OR9Q2: variants seen among roughly 807,000 people sequenced by gnomAD.
The protein encoded by OR9Q2 is olfactory receptor family 9 subfamily Q member 2, also known as olfactory receptor 9Q2.
A neutral mutation model predicts 2.3 loss-of-function variants in OR9Q2; 2 were observed. The ratio of observed to expected loss-of-function variants is 0.85; its 90% CI spans 0.35 to 2.68. OR9Q2 has a LOEUF of 2.68. Ranked by LOEUF, OR9Q2 falls within the 30% of genes most tolerant of loss-of-function variation. OR9Q2 has a pLI of 0.10. For missense variants in OR9Q2, 404 were observed against 395.7 expected (o/e 1.02, Z -0.18); for synonymous variants, 178 against 158.6 (o/e 1.12, Z -0.92).
chr11:58,190,994 T>G lies in OR9Q2; in HGVS notation c.504T>G (p.Phe168Leu). 1 of 1,614,212 alleles carries G rather than the reference T, an allele frequency of 6.2e-7. No individual in the cohort carries two copies. The highest frequency in any genetic ancestry group is 8.5e-7 in the Non-Finnish European group (1 of 1,180,042). Reference protein sequence around the residue: ...VRTVTAFTLSFCGNNEINFIF... With the variant: ...VRTVTAFTLSLCGNNEINFIF... ...CGGTCACAGCCTTCACTCTCTCCTT[T>G]TGTGGAAACAATGAGATCAACTTCA... is the stretch of plus-strand genomic sequence containing the variant. The change falls in exon 2 of 2, where the codon TTT (phenylalanine) becomes TTG (leucine). Residue 168 changes from phenylalanine to leucine, a missense_variant. Transcript: ENST00000641291.
intron 1 of OR9Q2, 54 bp from the exon 2 acceptor site, chr11:58,190,265 C>T (rs1854745148): frequency 4.0e-6 from 2 of 505,834 alleles, no homozygotes; most frequent in Non-Finnish European, 3.5e-6. Flanking sequence ...GAATCACTTG[C>T]TCTCTGTTCT....
chr11:58,191,334 A>AC lies in OR9Q2; in HGVS notation c.848dup (p.Met284AsnfsTer8). The AC allele has an allele frequency of 6.2e-7, 1 of 1,613,976 alleles. No individual in the cohort carries two copies. The highest frequency in any genetic ancestry group is 1.1e-5 in the South Asian group (1 of 91,062). On this transcript the variant is annotated frameshift_variant, in exon 2 of 2. Coordinates refer to ENST00000641291, the MANE Select transcript of OR9Q2 (RefSeq NM_001005283.3). LOFTEE classifies it low-confidence loss of function (END_TRUNC). ...GGTGTCTGTGCTCTACACGGTGGTG[A>AC]CCCCAATGCTGAATCCCCTTATCTA...
At chr11:58,189,723 A>G (rs1352156545) in intron 1 of OR9Q2, among the ~76,000 whole-genome samples, 2 of 152,200 alleles carry the variant, frequency 1.3e-5, no homozygotes, top group African/African-American at 4.8e-5. Context: ...TACTGTGTTT[A>G]TTAGGGGCTT....
chr11:58,193,510 C>T lies in OR9Q2; in HGVS notation c.*2075C>T, dbSNP rs1367614369. ...TCTAAGACTCAGAGATATTATGTGACTTGACCAAGTTATGTAGCAAGAAAG... is the reference window on the plus strand; with the variant it reads ...TCTAAGACTCAGAGATATTATGTGATTTGACCAAGTTATGTAGCAAGAAAG... On this transcript the variant is annotated 3_prime_UTR_variant, in exon 2 of 2. Transcript: ENST00000641291. The T allele has an allele frequency of 1.3e-5, 2 of 152,166 alleles. No homozygotes were observed. Among genetic ancestry groups the T allele is most frequent in the African/African-American group, 4.8e-5 (2 of 41,444 alleles). 9.4% of individuals were successfully genotyped at this position (152,166 alleles called of 1,614,324 possible). A position where few individuals can be genotyped will look rare whatever the true frequency, so the allele number is the denominator to read the frequency against.
chr11:58,189,270 TTTA>T (rs1345283467), intron 1 of OR9Q2, among the ~76,000 whole-genome samples, 162 bp downstream of exon 1: 1 of 152,094 alleles, frequency 6.6e-6, no homozygotes, highest in African/African-American at 2.4e-5. Flanking sequence ...TATCTGCAAT[TTTA>T]TTTACGGAAA....
rs1363357203 is a variant in OR9Q2, at chr11:58,191,456, T to C, written c.*21T>C. 1 of 1,473,924 alleles carries C rather than the reference T, an allele frequency of 6.8e-7. No homozygotes were observed. The highest frequency in any genetic ancestry group is 1.4e-5 in the African/African-American group (1 of 70,922). The allele number at this position is 1,473,924 out of a possible 1,614,324, so 91.3% of individuals were successfully genotyped here. Reference sequence around the variant, plus strand: ...CCTAAATGGACCCTTGTGAAATATATCATTCCTTAGTTTCCCCATCTTTTC... The same window carrying C: ...CCTAAATGGACCCTTGTGAAATATACCATTCCTTAGTTTCCCCATCTTTTC... On this transcript the variant is annotated 3_prime_UTR_variant, in exon 2 of 2. Transcript: ENST00000641291.
Position 58,190,511 on chromosome 11 carries a change from C to G in OR9Q2, c.21C>G (p.Thr7=). The G allele has an allele frequency of 1.9e-6, 3 of 1,613,490 alleles. No homozygotes were observed. The highest frequency in any genetic ancestry group is 2.5e-6 in the Non-Finnish European group (3 of 1,179,546). The change falls in exon 2 of 2, where the codon ACC becomes ACG. Residue 7 remains threonine, a synonymous_variant. Coordinates refer to ENST00000641291, the MANE Select transcript of OR9Q2 (RefSeq NM_001005283.3). MAERNY[T]VVTEFFLTAF... Reference sequence around the variant, plus strand: ...GATGGATGGCTGAAAGGAATTACACCGTAGTGACGGAGTTCTTCCTTACTG... The same window carrying G: ...GATGGATGGCTGAAAGGAATTACACGGTAGTGACGGAGTTCTTCCTTACTG...
Position 58,193,957 on chromosome 11 carries a change from T to A in OR9Q2, c.*2522T>A, listed in dbSNP as rs943554606. On this transcript the variant is annotated 3_prime_UTR_variant, in exon 2 of 2. Transcript: ENST00000641291. ...AGCAGGCACTAACCTTCCCTTCGGG[T>A]CTTCTTTTTCAGTCTTAAGTGATTA... 1 of 152,172 alleles carries A rather than the reference T, an allele frequency of 6.6e-6. No individual in the cohort carries two copies. The highest frequency in any genetic ancestry group is 2.4e-5 in the African/African-American group (1 of 41,426). The allele number at this position is 152,172 out of a possible 1,614,324, so 9.4% of individuals were successfully genotyped here.
At chr11:58,189,478 T>A (rs1854738165) in intron 1 of OR9Q2, among the ~76,000 whole-genome samples, 1 of 152,120 alleles carries the variant, frequency 6.6e-6, no homozygotes, top group Admixed American at 6.5e-5. Context: ...GCTCATGACT[T>A]TCAGATCTAA....
In OR9Q2 at chr11:58,190,979, C is replaced by A. The variant is rs1854756090; in HGVS notation, c.489C>A (p.Ala163=). 6.2e-7 allele frequency: 1 copy of A among 1,614,228 alleles called. No individual in the cohort carries two copies. The highest frequency in any genetic ancestry group is 8.5e-7 in the Non-Finnish European group (1 of 1,180,048). Reference sequence around the variant, plus strand: ...GTGCCTTTGTTCGAACGGTCACAGCCTTCACTCTCTCCTTTTGTGGAAACA... The same window carrying A: ...GTGCCTTTGTTCGAACGGTCACAGCATTCACTCTCTCCTTTTGTGGAAACA... The part of the protein sequence containing the change: ...FFSAFVRTVT[A]FTLSFCGNNE... The change falls in exon 2 of 2, where the codon GCC becomes GCA. Residue 163 remains alanine, a synonymous_variant. Coordinates refer to ENST00000641291, the MANE Select transcript of OR9Q2 (RefSeq NM_001005283.3).
chr11:58,190,984 C>T lies in OR9Q2; in HGVS notation c.494C>T (p.Thr165Ile), dbSNP rs1854756193. The part of the protein sequence containing the change: ...SAFVRTVTAF[T>I]LSFCGNNEIN... ...TTTGTTCGAACGGTCACAGCCTTCA[C>T]TCTCTCCTTTTGTGGAAACAATGAG... Residue 165 changes from threonine (T) to isoleucine (I), a missense_variant, in exon 2 of 2, where the codon ACT becomes ATT. By Grantham distance (89) the Thr-to-Ile change is moderately conservative. Transcript: ENST00000641291. 5.0e-6 allele frequency: 8 copies of T among 1,614,220 alleles called. No homozygotes were observed. The highest frequency in any genetic ancestry group is 6.8e-6 in the Non-Finnish European group (8 of 1,180,032).
intron 1 of OR9Q2, among the ~76,000 whole-genome samples, chr11:58,189,418 A>G (rs766082564): frequency 1.3e-5 from 2 of 152,172 alleles, no homozygotes; most frequent in Non-Finnish European, 2.9e-5. Flanking sequence ...ACTAAACAAA[A>G]GAGGAGGGCA....
In OR9Q2 at chr11:58,191,701, A is replaced by G. The variant is rs1414747111; in HGVS notation, c.*266A>G. On this transcript the variant is annotated 3_prime_UTR_variant, in exon 2 of 2. Coordinates refer to ENST00000641291, the MANE Select transcript of OR9Q2 (RefSeq NM_001005283.3). ...ACTTTTTTATCTGAGCTTCATTTCT[A>G]TATGTCCAGTTCCTAGCAAAGCACC... The G allele has an allele frequency of 6.7e-6, 2 of 298,514 alleles. No individual in the cohort carries two copies. Among genetic ancestry groups the G allele is most frequent in the East Asian group, 5.6e-5 (1 of 17,880 alleles). 18.5% of individuals were successfully genotyped at this position (298,514 alleles called of 1,614,324 possible).
rs367772985 is a variant in OR9Q2 at position 58,191,063 on chromosome 11, C to A, written c.573C>A (p.Asp191Glu). The stretch of plus-strand genomic sequence containing the variant: ...CTCTATTAAAACTCTCCTGTGGGGA[C>A]AGCTACACTCAGGAAGTGGTGATTA... ...LPPLLKLSCG[D>E]SYTQEVVIIV... Residue 191 changes from aspartate to glutamate, a missense_variant, in exon 2 of 2, where the codon GAC becomes GAA. Transcript: ENST00000641291. 9 of 1,613,912 alleles carry A rather than the reference C, an allele frequency of 5.6e-6. No homozygotes were observed. In the Admixed American group the frequency reaches 8.3e-5, roughly 15 times the overall value.
rs561229049 is a variant in OR9Q2 at position 58,190,427 on chromosome 11, C to T, written c.-64C>T. 17 of 1,081,742 alleles carry T rather than the reference C, an allele frequency of 1.6e-5. No homozygotes were observed. The highest frequency in any genetic ancestry group is 1.3e-4 in the South Asian group (9 of 69,262). 67.0% of individuals were successfully genotyped at this position (1,081,742 alleles called of 1,614,324 possible). ...GCTTTGTTACTTGAAATCATTTGAA[C>T]TCCTCTTGAGCTGTCCCCTCATCTG... is the stretch of plus-strand genomic sequence containing the variant. On this transcript the variant is annotated 5_prime_UTR_variant, in exon 2 of 2. Transcript: ENST00000641291.
intron 1 of OR9Q2, 93 bp from the exon 2 acceptor site, chr11:58,190,226 G>A (rs1854744976): frequency 2.3e-6 from 1 of 438,388 alleles, no homozygotes; most frequent in Non-Finnish European, 4.1e-6. Context: ...GGACAGAGTT[G>A]CAAATACAAG....
rs976526790 is a variant in OR9Q2, at chr11:58,193,166, A to T, written c.*1731A>T. 1 of 152,196 alleles carries T rather than the reference A, an allele frequency of 6.6e-6. No individual in the cohort carries two copies. The highest frequency in any genetic ancestry group is 1.9e-4 in the East Asian group (1 of 5,202). 9.4% of individuals were successfully genotyped at this position (152,196 alleles called of 1,614,324 possible). A position where few individuals can be genotyped will look rare whatever the true frequency, so the allele number is the denominator to read the frequency against. On this transcript the variant is annotated 3_prime_UTR_variant, in exon 2 of 2. Coordinates refer to ENST00000641291, the MANE Select transcript of OR9Q2 (RefSeq NM_001005283.3). The stretch of plus-strand genomic sequence containing the variant: ...TGTTATTAATTACTGTTATTAATTC[A>T]TGTTAGTATGGTGCTTGTCCAGGCT...
rs1854763315 is a variant in OR9Q2, at chr11:58,191,381, A to G, written c.891A>G (p.Val297=). Residue 297 remains valine (V), a synonymous_variant, in exon 2 of 2, where the codon GTA becomes GTG. Transcript: ENST00000641291. The part of the protein sequence containing the change: ...PLIYSLRNKE[V]KEATRKALSK... ...TCTATAGCCTGAGAAACAAGGAGGT[A>G]AAAGAGGCCACTAGGAAAGCCCTGA... is the stretch of plus-strand genomic sequence containing the variant. 1 of 1,613,640 alleles carries G rather than the reference A, an allele frequency of 6.2e-7. No homozygotes were observed. The highest frequency in any genetic ancestry group is 1.3e-5 in the African/African-American group (1 of 74,902).
intron 1 of OR9Q2, among the ~76,000 whole-genome samples, chr11:58,189,631 G>A (rs930881585): frequency 6.6e-6 from 1 of 152,062 alleles, no homozygotes; most frequent in Non-Finnish European, 1.5e-5. Context: ...TTATTAATCC[G>A]AATTTCTCCA....
Sources: gnomAD v4.1 joint callset for allele counts (sites outside exome capture counted in the v4.1 genomes callset) on GRCh38, gnomAD v4.1.1 for gene constraint, MANE v1.5 for transcripts, NCBI Gene and HGNC (gene_info 2026-07-23, HGNC 2026-07-21) for gene names.